Variants in CDH7 observed in about 807,000 individuals in gnomAD.
CDH7 encodes the protein cadherin-7.
Under a neutral mutation model 71.8 loss-of-function variants are expected in CDH7, and 25 were observed. The ratio of observed to expected loss-of-function variants is 0.35; its 90% CI spans 0.25 to 0.49. The LOEUF is 0.49. Among genes scored for constraint, CDH7 ranks in the 20% least tolerant of loss-of-function variants. The pLI is 0.99. For missense variants in CDH7, 862 were observed against 974.6 expected, an observed-to-expected ratio of 0.88 and a Z score of 1.54; for synonymous variants, 381 against 363.8, an observed-to-expected ratio of 1.05 and a Z score of -0.54.
Position 65,824,649 on chromosome 18 carries a change from T to C in CDH7, c.799T>C (p.Tyr267His). ...DNPPRFPRRS[Y>H]QYNVPESLPV... ...TCTTGCTTTGAATTTCACAGGGTCT[T>C]ATCAATATAACGTCCCAGAGTCATT... Residue 267 changes from tyrosine to histidine, a missense_variant, in exon 6 of 12, where the codon TAT becomes CAT. Transcript: ENST00000397968. 1 of 1,566,590 alleles carries C rather than the reference T, an allele frequency of 6.4e-7. No individual in the cohort carries two copies. Among genetic ancestry groups the C allele is most frequent in the Non-Finnish European group, 8.7e-7 (1 of 1,154,786 alleles).
chr18:65,844,054 T>C lies in CDH7; in HGVS notation c.1224T>C (p.Asn408=), dbSNP rs762181328. 9.3e-6 allele frequency: 15 copies of C among 1,612,782 alleles called. No individual in the cohort carries two copies. The Admixed American group carries it at 2.3e-4, about 25-fold the overall frequency. The change falls in exon 7 of 12, where the codon AAT becomes AAC. Residue 408 remains asparagine, a synonymous_variant. Coordinates refer to ENST00000397968, the MANE Select transcript of CDH7 (RefSeq NM_004361.5). Reference sequence around the variant, plus strand: ...CAGCTCATGACCCAGATTCTTCCAATAGCCCTGTGAGGTAAAAACTCATTG... The same window carrying C: ...CAGCTCATGACCCAGATTCTTCCAACAGCCCTGTGAGGTAAAAACTCATTG... ...TVAAHDPDSS[N]SPVRYSIDRN...
Position 65,881,069 on chromosome 18 carries a change from A to G in CDH7, c.*175A>G, listed in dbSNP as rs1310409491. The G allele has an allele frequency of 7.8e-6, 5 of 638,308 alleles. No individual in the cohort carries two copies. The highest frequency in any genetic ancestry group is 3.4e-5 in the Admixed American group (1 of 29,370). The allele number at this position is 638,308 out of a possible 1,614,324, so 39.5% of individuals were successfully genotyped here. A position where few individuals can be genotyped will look rare whatever the true frequency, so the allele number is the denominator to read the frequency against. On this transcript the variant is annotated 3_prime_UTR_variant, in exon 12 of 12. Transcript: ENST00000397968. ...GTTTAGATTTCTGCCTTGGTGAGGC[A>G]TATCTTCATTAGACTTATCTAAAGG... is the stretch of plus-strand genomic sequence containing the variant.
chr18:65,773,812 T>G (rs2143812404), intron 2 of CDH7, among the ~76,000 whole-genome samples: 1 of 152,252 alleles, frequency 6.6e-6, no homozygotes, highest in Admixed American at 6.5e-5. Context: ...TATGGGACGC[T>G]TATGAAACCA....
chr18:65,887,428 C>T lies in CDH7; in HGVS notation c.*6534C>T, dbSNP rs192999699. ...CTATCCCTCCCCCCTCCCCCTACCC[C>T]ACAACAGTCCCTAGAGTGTGGTGTT... is the stretch of plus-strand genomic sequence containing the variant. On this transcript the variant is annotated 3_prime_UTR_variant, in exon 12 of 12. Coordinates refer to ENST00000397968, the MANE Select transcript of CDH7 (RefSeq NM_004361.5). 6.7e-6 allele frequency: 1 copy of T among 148,840 alleles called. No individual in the cohort carries two copies. The highest frequency in any genetic ancestry group is 2.0e-4 in the East Asian group (1 of 4,946). The allele number at this position is 148,840 out of a possible 1,614,324, so 9.2% of individuals were successfully genotyped here.
chr18:65,810,081 GAA>G (rs5825649), intron 3 of CDH7, 83 bp downstream of exon 3: 8,224 of 734,760 alleles, frequency 0.011, no homozygotes, highest in Non-Finnish European at 0.013. Flanking sequence ...ATTAAGTACT[GAA>G]AAAAAAAAAA....
chr18:65,801,902 A>C (rs571163941), intron 2 of CDH7, among the ~76,000 whole-genome samples: 17 of 152,336 alleles, frequency 1.1e-4, no homozygotes, highest in African/African-American at 4.1e-4. Flanking sequence ...AGTGTAGTGC[A>C]GACAACTCCA....
chr18:65,822,602 T>C (rs1009065360), intron 5 of CDH7, among the ~76,000 whole-genome samples: 1 of 152,084 alleles, frequency 6.6e-6, no homozygotes, highest in African/African-American at 2.4e-5. Context: ...TTGTTGCCAA[T>C]TAATAATATT....
intron 2 of CDH7, chr18:65,803,864 A>G (rs1911213857): frequency 6.6e-6 from 1 of 151,322 alleles, no homozygotes; most frequent in African/African-American, 2.4e-5. Context: ...TGGTTAAAAA[A>G]AAAAAAAGAA....
In CDH7 at chr18:65,884,423, A is replaced by C. The variant is rs368531572; in HGVS notation, c.*3529A>C. ...GCCAGGAAGCTCTGCTGATGACTAC[A>C]ATTGAGGTTAGTTGTCTACAAGATA... On this transcript the variant is annotated 3_prime_UTR_variant, in exon 12 of 12. Coordinates refer to ENST00000397968, the MANE Select transcript of CDH7 (RefSeq NM_004361.5). The C allele has an allele frequency of 5.9e-5, 9 of 152,266 alleles. No individual in the cohort carries two copies. Among genetic ancestry groups the C allele is most frequent in the African/African-American group, 2.2e-4 (9 of 41,560 alleles). 9.4% of individuals were successfully genotyped at this position (152,266 alleles called of 1,614,324 possible).
At chr18:65,768,223 T>TG (rs996093268) in intron 2 of CDH7, among the ~76,000 whole-genome samples, 3 of 22,804 alleles carry the variant, frequency 1.3e-4, no homozygotes, top group Admixed American at 4.2e-4. Flanking sequence ...TGCGTTGTTG[T>TG]TTTTTTTTTT....
intron 2 of CDH7, 98 bp from the exon 3 acceptor site, chr18:65,809,606 T>G: frequency 9.9e-7 from 1 of 1,007,836 alleles, no homozygotes; most frequent in African/African-American, 1.6e-5. Flanking sequence ...ACAATAAAAT[T>G]TCATGTACTC....
chr18:65,827,622 C>G (rs1912180343), intron 6 of CDH7, among the ~76,000 whole-genome samples: 1 of 151,836 alleles, frequency 6.6e-6, no homozygotes, highest in African/African-American at 2.4e-5. Flanking sequence ...GTTTATTACT[C>G]TTAAAGGGGA....
At chr18:65,879,890 A>G (rs1349573198) in intron 11 of CDH7, among the ~76,000 whole-genome samples, 1 of 152,216 alleles carries the variant, frequency 6.6e-6, no homozygotes, top group Non-Finnish European at 1.5e-5. Context: ...ATGGCCTGAC[A>G]TGCTGGATTT....
In CDH7 at chr18:65,780,918, G is replaced by GTT. The variant is rs35645871; in HGVS notation, c.210+17884_210+17885dup. On this transcript the variant is annotated intron_variant, in intron 2 of 11. Coordinates refer to ENST00000397968, the MANE Select transcript of CDH7 (RefSeq NM_004361.5). ...GCCTTGTTTGCCTCTCTCTATTCCT[G>GTT]TTTTTTTTTTTTTTTTTTTCGGAGA... Among the ~76,000 whole-genome samples, 974 of 104,770 alleles carry GTT rather than the reference G, an allele frequency of 9.3e-3. 22 individuals carry two copies. Among genetic ancestry groups the GTT allele is most frequent in the East Asian group, 0.018 (58 of 3,238 alleles). 68.7% of individuals were successfully genotyped at this position (104,770 alleles called of 152,430 possible). A position where few individuals can be genotyped will look rare whatever the true frequency, so the allele number is the denominator to read the frequency against.
In CDH7 at chr18:65,883,273, A is replaced by G. The variant is rs1914282906; in HGVS notation, c.*2379A>G. ...AAAATTAATTTTTGAGATGGCTGGA[A>G]GAATGTTCCTAATATAGGTAGTATT... On this transcript the variant is annotated 3_prime_UTR_variant, in exon 12 of 12. Coordinates refer to ENST00000397968, the MANE Select transcript of CDH7 (RefSeq NM_004361.5). 6.6e-6 allele frequency: 1 copy of G among 151,988 alleles called. No individual in the cohort carries two copies. Among genetic ancestry groups the G allele is most frequent in the Non-Finnish European group, 1.5e-5 (1 of 67,926 alleles). The allele number at this position is 151,988 out of a possible 1,614,324, so 9.4% of individuals were successfully genotyped here.
chr18:65,856,962 G>T (rs1321894148), intron 7 of CDH7, among the ~76,000 whole-genome samples: 2 of 151,590 alleles, frequency 1.3e-5, no homozygotes, highest in African/African-American at 4.9e-5. Flanking sequence ...AATCTCAGGG[G>T]TTCCACTTTG....
In CDH7 at chr18:65,888,528, G is replaced by T. The variant is rs972016733; in HGVS notation, c.*7634G>T. The T allele has an allele frequency of 6.6e-6, 1 of 152,036 alleles. No homozygotes were observed. The highest frequency in any genetic ancestry group is 1.5e-5 in the Non-Finnish European group (1 of 68,014). The allele number at this position is 152,036 out of a possible 1,614,324, so 9.4% of individuals were successfully genotyped here. A position where few individuals can be genotyped will look rare whatever the true frequency, so the allele number is the denominator to read the frequency against. On this transcript the variant is annotated 3_prime_UTR_variant, in exon 12 of 12. Transcript: ENST00000397968. ...CTCGGTACAGAAAATGAGTATCATT[G>T]TAATTAAAGTTTGATATTTTCTTCT...
At chr18:65,786,872 A>G (rs1448593928) in intron 2 of CDH7, among the ~76,000 whole-genome samples, 2 of 152,058 alleles carry the variant, frequency 1.3e-5, no homozygotes, top group Non-Finnish European at 2.9e-5. Flanking sequence ...TTATGTTTTT[A>G]GAGACAGAGT....
chr18:65,781,962 T>C lies in CDH7; in HGVS notation c.210+18910T>C, dbSNP rs1455045350. ...TCTCTCTCTTTCTCTCTTTCTCTCTTTCTCTCTCTCTCTCTCTCTCTCTCT... is the reference window on the plus strand; with the variant it reads ...TCTCTCTCTTTCTCTCTTTCTCTCTCTCTCTCTCTCTCTCTCTCTCTCTCT... On this transcript the variant is annotated intron_variant, in intron 2 of 11. Coordinates refer to ENST00000397968, the MANE Select transcript of CDH7 (RefSeq NM_004361.5). Among the ~76,000 whole-genome samples the C allele has an allele frequency of 1.8e-3, 83 of 45,948 alleles. 2 individuals carry two copies. The highest frequency in any genetic ancestry group is 3.2e-3 in the African/African-American group (16 of 5,002). 30.1% of individuals were successfully genotyped at this position (45,948 alleles called of 152,430 possible). A position where few individuals can be genotyped will look rare whatever the true frequency, so the allele number is the denominator to read the frequency against.
Sources: allele counts gnomAD v4.1 joint callset (sites outside exome capture counted in the v4.1 genomes callset), GRCh38; gene constraint gnomAD v4.1.1; transcripts MANE v1.5; gene names NCBI Gene and HGNC (gene_info 2026-07-23, HGNC 2026-07-21).